The following ATP10B variants were observed in gnomAD, a reference collection of about 807,000 sequenced individuals.
The protein encoded by ATP10B is ATPase phospholipid transporting 10B (putative).
Under a neutral mutation model 141.2 loss-of-function variants are expected in ATP10B, and 122 were observed. The observed-to-expected ratio is 0.86, with a 90% CI of 0.75 to 1.00. The LOEUF (loss-of-function observed/expected upper bound fraction) is 1.00, where lower values mean the gene tolerates loss of function less well. Ranked by LOEUF, ATP10B falls within the 50% of genes least tolerant of loss-of-function variation. ATP10B has a pLI of 0.00. For synonymous variants in ATP10B, 685 were observed against 692.0 expected (o/e 0.99, Z 0.16); for missense variants, 1,876 against 1,825.3 (o/e 1.03, Z -0.51).
At chr5:160,803,084 T>C (rs972706464) in intron 1 of ATP10B, among the ~76,000 whole-genome samples, 2 of 152,358 alleles carry the variant, frequency 1.3e-5, no homozygotes. Context: ...AAAAGGCTTC[T>C]GTTGGCTCAC....
At chr5:160,593,375 A>C in intron 22 of ATP10B, among the ~76,000 whole-genome samples, 1 of 152,240 alleles carries the variant, frequency 6.6e-6, no homozygotes, top group East Asian at 1.9e-4. Flanking sequence ...TTAGAAGGAA[A>C]ACTAACAAAT....
chr5:160,887,164 TTGGTCCTAGGACCTCC>T, the ATP10B span, among the ~76,000 whole-genome samples: 1 of 152,218 alleles, frequency 6.6e-6, no homozygotes, highest in Non-Finnish European at 1.5e-5. Flanking sequence ...CTGTGGAGGA[TTGGTCCTAGGACCTCC>T]TTTGGATACC....
At chr5:160,771,107 C>A (rs1342233736) in intron 2 of ATP10B, among the ~76,000 whole-genome samples, 1 of 152,152 alleles carries the variant, frequency 6.6e-6, no homozygotes, top group Admixed American at 6.5e-5. Context: ...ATCACAATAC[C>A]CTCAGAAGTA....
chr5:160,613,198 C>A (rs966148090), intron 17 of ATP10B, among the ~76,000 whole-genome samples: 7 of 152,148 alleles, frequency 4.6e-5, no homozygotes, highest in African/African-American at 1.4e-4. Flanking sequence ...CCTGGAAAAT[C>A]AGGGTGGGCT....
chr5:160,928,266 G>A, the ATP10B span, among the ~76,000 whole-genome samples: 3 of 152,132 alleles, frequency 2.0e-5, no homozygotes, highest in Non-Finnish European at 4.4e-5. Flanking sequence ...CAGGCCACAT[G>A]GGTTACATAT....
intron 1 of ATP10B, among the ~76,000 whole-genome samples, chr5:160,819,653 AT>A (rs1348966094): frequency 6.6e-6 from 1 of 152,196 alleles, no homozygotes; most frequent in East Asian, 1.9e-4. Flanking sequence ...GAAGATATAA[AT>A]AGAAACAAAA....
Position 160,756,446 on chromosome 5 carries a change from C to T in ATP10B, c.-331+29113G>A, listed in dbSNP as rs147636688. 1.8e-4 allele frequency among the ~76,000 whole-genome samples: 27 copies of T among 152,238 alleles called. 1 individual carries two copies. In the East Asian group the frequency reaches 4.4e-3, roughly 25 times the overall value. ...ATATGTTTAACTTTTTAAGAAGTGG[C>T]CAGATTGTTTACAAAGTGATTTCAC... On this transcript the variant is annotated intron_variant, in intron 2 of 25. Coordinates refer to ENST00000327245, the MANE Select transcript of ATP10B (RefSeq NM_025153.3).
chr5:160,654,187 A>T (rs1761307214), intron 7 of ATP10B, among the ~76,000 whole-genome samples: 2 of 151,162 alleles, frequency 1.3e-5, no homozygotes, highest in Non-Finnish European at 2.9e-5. Context: ...ATGGTCTCAA[A>T]CTCCTGAGCT....
At chr5:160,731,562 G>A (rs1766741432) in intron 2 of ATP10B, among the ~76,000 whole-genome samples, 1 of 152,198 alleles carries the variant, frequency 6.6e-6, no homozygotes, top group East Asian at 1.9e-4. Flanking sequence ...TATGGAGAAT[G>A]GGAGTTTCAT....
At chr5:160,880,287 T>TA in the ATP10B span, among the ~76,000 whole-genome samples, 1 of 147,494 alleles carries the variant, frequency 6.8e-6, no homozygotes, top group South Asian at 2.1e-4. Context: ...GAAACTATGA[T>TA]GAAAGAAATC....
At chr5:160,724,140 A>G (rs552363249) in intron 2 of ATP10B, among the ~76,000 whole-genome samples, 44 of 151,174 alleles carry the variant, frequency 2.9e-4, no homozygotes, top group South Asian at 1.7e-3. Context: ...GGAGGATGGG[A>G]GGAGGGAGAG....
At chr5:160,772,296 G>A (rs1769961504) in intron 2 of ATP10B, among the ~76,000 whole-genome samples, 1 of 152,192 alleles carries the variant, frequency 6.6e-6, no homozygotes, top group African/African-American at 2.4e-5. Flanking sequence ...ACCCTCAGAT[G>A]ATGCCTGCAA....
chr5:160,812,020 C>CACAGAGAGAGAGAGAGAGAGAG lies in ATP10B; in HGVS notation c.-575-26218_-575-26217insCTCTCTCTCTCTCTCTCTCTGT, dbSNP rs1211580744. 8.8e-4 allele frequency among the ~76,000 whole-genome samples: 98 copies of CACAGAGAGAGAGAGAGAGAGAG among 111,516 alleles called. 2 individuals carry two copies. The highest frequency in any genetic ancestry group is 1.8e-3 in the Admixed American group (19 of 10,320). 73.2% of individuals were successfully genotyped at this position (111,516 alleles called of 152,430 possible). On this transcript the variant is annotated intron_variant, in intron 1 of 25. Coordinates refer to ENST00000327245, the MANE Select transcript of ATP10B (RefSeq NM_025153.3). ...AGAGAGACAGAGACAGAGACAGAGA[C>CACAGAGAGAGAGAGAGAGAGAG]AGAGAGAGAGAGAGAGAGAGAGAGA...
intron 15 of ATP10B, among the ~76,000 whole-genome samples, chr5:160,619,588 AG>A (rs1208886345): frequency 7.9e-5 from 12 of 152,200 alleles, no homozygotes; most frequent in African/African-American, 2.9e-4. Context: ...CAGGAGGCAC[AG>A]GGCTGCCTGG....
chr5:160,874,609 C>A, the ATP10B span, among the ~76,000 whole-genome samples: 24 of 152,032 alleles, frequency 1.6e-4, no homozygotes, highest in Admixed American at 1.1e-3. Context: ...ACATTCAAAC[C>A]AAAGGCAAAG....
chr5:160,789,821 C>T (rs1771439863), intron 1 of ATP10B, among the ~76,000 whole-genome samples: 1 of 152,086 alleles, frequency 6.6e-6, no homozygotes, highest in Non-Finnish European at 1.5e-5. Context: ...CAATATAGCC[C>T]AGCAGGGGGT....
At chr5:160,666,095 A>G (rs1269415440) in intron 7 of ATP10B, among the ~76,000 whole-genome samples, 5 of 152,152 alleles carry the variant, frequency 3.3e-5, no homozygotes, top group African/African-American at 1.2e-4. Flanking sequence ...AAGAACTAGT[A>G]TATAGTAAAA....
At chr5:160,820,722 C>A (rs1236879054) in intron 1 of ATP10B, among the ~76,000 whole-genome samples, 1 of 152,050 alleles carries the variant, frequency 6.6e-6, no homozygotes, top group South Asian at 2.1e-4. Context: ...CCCTGGGATG[C>A]AAGGATGGTT....
intron 5 of ATP10B, 132 bp from the exon 6 acceptor site, chr5:160,686,405 A>G (rs1763754079): frequency 1.6e-6 from 1 of 630,740 alleles, no homozygotes; most frequent in African/African-American, 1.8e-5. Flanking sequence ...CATTATGGTA[A>G]TGGATTTGAA....
Sources: gnomAD v4.1 joint callset for allele counts (sites outside exome capture counted in the v4.1 genomes callset) on GRCh38, gnomAD v4.1.1 for gene constraint, MANE v1.5 for transcripts, NCBI Gene and HGNC (gene_info 2026-07-23, HGNC 2026-07-21) for gene names.